Variants in PLEKHF2 observed in about 807,000 individuals in gnomAD.
The protein encoded by PLEKHF2 is pleckstrin homology and FYVE domain containing 2.
A neutral mutation model predicts 14.7 loss-of-function variants in PLEKHF2; 4 were observed. That is an observed-to-expected ratio of 0.27 (90% CI 0.13 to 0.62). The LOEUF (loss-of-function observed/expected upper bound fraction) is 0.62, where lower values mean the gene tolerates loss of function less well. PLEKHF2 is among the 20% of genes least tolerant of loss of function. PLEKHF2 has a pLI of 0.85. For synonymous variants in PLEKHF2, 90 were observed against 103.5 expected (o/e 0.87, Z 0.79); for missense variants, 201 against 307.7 (o/e 0.65, Z 2.60).
At chr8:95,134,312 G>GGGGGGACGGGGGCCGCC (rs1249829230) in intron 1 of PLEKHF2, 2 of 148,146 alleles carry the variant, frequency 1.4e-5, no homozygotes, top group African/African-American at 5.2e-5. Flanking sequence ...CCGCCGCCGC[G>GGGGGGACGGGGGCCGCC]GGGGGACGGG....
intron 1 of PLEKHF2, chr8:95,134,247 T>TGCC (rs1040253421): frequency 1.4e-5 from 2 of 147,988 alleles, no homozygotes; most frequent in African/African-American, 4.9e-5. Context: ...GCGGGCCAGT[T>TGCC]GCCGCCGCCG....
chr8:95,137,961 G>A (rs181674816), intron 1 of PLEKHF2, among the ~76,000 whole-genome samples: 19 of 152,192 alleles, frequency 1.2e-4, no homozygotes, highest in Admixed American at 4.6e-4. Context: ...GTCCCTCCTA[G>A]GCCATTAGTT....
intron 1 of PLEKHF2, among the ~76,000 whole-genome samples, chr8:95,146,707 T>C (rs954338472): frequency 6.6e-6 from 1 of 151,994 alleles, no homozygotes; most frequent in Non-Finnish European, 1.5e-5. Context: ...TTTTTAAAAA[T>C]TGGTATATAA....
intron 1 of PLEKHF2, among the ~76,000 whole-genome samples, chr8:95,135,231 T>G (rs2132102989): frequency 6.6e-6 from 1 of 152,324 alleles, no homozygotes; most frequent in South Asian, 2.1e-4. Context: ...GATTTTTAAA[T>G]AAAGACATCT....
intron 1 of PLEKHF2, among the ~76,000 whole-genome samples, chr8:95,135,556 A>G (rs1810366400): frequency 6.6e-6 from 1 of 152,096 alleles, no homozygotes; most frequent in Admixed American, 6.5e-5. Flanking sequence ...GCGCATCACC[A>G]CACCTGGCTA....
At position 95,156,012 on chromosome 8, in the gene PLEKHF2, T is replaced by C. The variant is rs1210938725; in HGVS notation, c.*1218T>C. 1.2e-5 allele frequency: 2 copies of C among 167,064 alleles called. No individual in the cohort carries two copies. The highest frequency in any genetic ancestry group is 6.3e-3 in the Middle Eastern group (2 of 318). 10.3% of individuals were successfully genotyped at this position (167,064 alleles called of 1,614,324 possible). ...GCAATCTATGGAAATAGAGTAGCAA[T>C]TGCTATTTCTAAATTGTGAACTTTA... On this transcript the variant is annotated 3_prime_UTR_variant, in exon 2 of 2. Coordinates refer to ENST00000315367, the MANE Select transcript of PLEKHF2 (RefSeq NM_024613.4).
intron 1 of PLEKHF2, among the ~76,000 whole-genome samples, chr8:95,143,737 C>G (rs1810461891): frequency 6.6e-6 from 1 of 152,168 alleles, no homozygotes; most frequent in African/African-American, 2.4e-5. Context: ...AGAGGTAAAA[C>G]TGGAAAGATA....
rs1488305309 is a variant in PLEKHF2, at chr8:95,154,978, A to C, written c.*184A>C. 1.5e-6 allele frequency: 1 copy of C among 648,922 alleles called. No homozygotes were observed. Among genetic ancestry groups the C allele is most frequent in the East Asian group, 2.8e-5 (1 of 36,202 alleles). 40.2% of individuals were successfully genotyped at this position (648,922 alleles called of 1,614,324 possible). On this transcript the variant is annotated 3_prime_UTR_variant, in exon 2 of 2. Coordinates refer to ENST00000315367, the MANE Select transcript of PLEKHF2 (RefSeq NM_024613.4). The surrounding 1 kb of genome is among the most constrained non-coding windows in gnomAD (Gnocchi z 5.6). ...CCCCCTGCCTTCTCCCACTCCTCAC[A>C]CTCTTCTACAGGGATAGGCTTTTGC...
intron 1 of PLEKHF2, among the ~76,000 whole-genome samples, chr8:95,152,366 T>TACACATCTAATTA (rs1810572744): frequency 6.6e-6 from 1 of 152,158 alleles, no homozygotes; most frequent in South Asian, 2.1e-4. Flanking sequence ...ATTAGATTGG[T>TACACATCTAATTA]GAATACACAT....
At chr8:95,148,999 A>G (rs1174595604) in intron 1 of PLEKHF2, among the ~76,000 whole-genome samples, 1 of 152,154 alleles carries the variant, frequency 6.6e-6, no homozygotes, top group African/African-American at 2.4e-5. Flanking sequence ...CCATAAAACT[A>G]TAGATTAATA....
intron 1 of PLEKHF2, among the ~76,000 whole-genome samples, chr8:95,141,723 G>A (rs773019932): frequency 1.4e-5 from 2 of 142,288 alleles, no homozygotes; most frequent in African/African-American, 2.7e-5. Flanking sequence ...TTTTTTTTTG[G>A]TAGAGACGGG....
chr8:95,154,802 T>C lies in PLEKHF2; in HGVS notation c.*8T>C, dbSNP rs1222297350. On this transcript the variant is annotated 3_prime_UTR_variant, in exon 2 of 2. Coordinates refer to ENST00000315367, the MANE Select transcript of PLEKHF2 (RefSeq NM_024613.4). This position sits in a 1 kb window ranked among gnomAD's most constrained non-coding sequence, Gnocchi z 5.6. ...GATGATAGCAGTGACTAAGGACACATTTGGGAGTATTTAATCAGGTGTGGC... is the reference window on the plus strand; with the variant it reads ...GATGATAGCAGTGACTAAGGACACACTTGGGAGTATTTAATCAGGTGTGGC... 6.2e-7 allele frequency: 1 copy of C among 1,610,854 alleles called. No homozygotes were observed. The highest frequency in any genetic ancestry group is 1.7e-5 in the Admixed American group (1 of 59,942).
intron 1 of PLEKHF2, among the ~76,000 whole-genome samples, chr8:95,144,104 CA>C (rs1181229869): frequency 6.6e-6 from 1 of 151,914 alleles, no homozygotes; most frequent in Admixed American, 6.6e-5. Flanking sequence ...TGGCCTGAGA[CA>C]GTTCTTCCAA....
chr8:95,144,961 A>AT (rs1271431482), intron 1 of PLEKHF2, among the ~76,000 whole-genome samples: 16 of 151,972 alleles, frequency 1.1e-4, no homozygotes, highest in Non-Finnish European at 2.1e-4. Context: ...TTTTTGTAAA[A>AT]TTAAAGTAAT....
Position 95,154,438 on chromosome 8 carries a change from G to T in PLEKHF2, c.394G>T (p.Asp132Tyr). 1.2e-6 allele frequency: 2 copies of T among 1,614,044 alleles called. No individual in the cohort carries two copies. Among genetic ancestry groups the T allele is most frequent in the Non-Finnish European group, 1.7e-6 (2 of 1,179,922 alleles). ...WMNHINKCVT[D>Y]LLSKSGKTPS... Reference sequence around the variant, plus strand: ...GAATCATATAAATAAATGTGTTACTGATTTACTCTCCAAAAGTGGGAAGAC... The same window carrying T: ...GAATCATATAAATAAATGTGTTACTTATTTACTCTCCAAAAGTGGGAAGAC... The change falls in exon 2 of 2, where the codon GAT (aspartate) becomes TAT (tyrosine). Residue 132 changes from aspartate (D) to tyrosine (Y), a missense_variant. Transcript: ENST00000315367. The surrounding 1 kb of genome is among the most constrained non-coding windows in gnomAD (Gnocchi z 5.6).
At chr8:95,147,426 T>C (rs1385567127) in intron 1 of PLEKHF2, among the ~76,000 whole-genome samples, 3 of 152,050 alleles carry the variant, frequency 2.0e-5, no homozygotes, top group Non-Finnish European at 2.9e-5. Context: ...GTTGATTTCA[T>C]ATTTTATAAC....
At chr8:95,138,711 C>T (rs904045993) in intron 1 of PLEKHF2, among the ~76,000 whole-genome samples, 1 of 152,000 alleles carries the variant, frequency 6.6e-6, no homozygotes, top group African/African-American at 2.4e-5. Context: ...TATTTAGAAA[C>T]TTTTATTTAA....
At chr8:95,148,329 G>A (rs145202174) in intron 1 of PLEKHF2, among the ~76,000 whole-genome samples, 325 of 152,146 alleles carry the variant, frequency 2.1e-3, no homozygotes, top group African/African-American at 7.0e-3. Context: ...TGATATGCCA[G>A]AGACTAAATC....
In PLEKHF2 at chr8:95,139,335, C is replaced by T. The variant is rs6998697; in HGVS notation, c.-15+5305C>T. 2.1e-3 allele frequency among the ~76,000 whole-genome samples: 326 copies of T among 152,220 alleles called. 1 individual carries two copies. Among genetic ancestry groups the T allele is most frequent in the African/African-American group, 7.6e-3 (314 of 41,530 alleles). ...ACCAGCCTGGGCAACATGGCAAAAC[C>T]CCGTCTCTACAAAATACACAAAAAT... On this transcript the variant is annotated intron_variant, in intron 1 of 1. Transcript: ENST00000315367.
Sources: gnomAD v4.1 joint callset for allele counts (sites outside exome capture counted in the v4.1 genomes callset) on GRCh38, gnomAD v4.1.1 for gene constraint, Gnocchi (gnomAD v3.1) non-coding constraint, MANE v1.5 for transcripts, NCBI Gene and HGNC (gene_info 2026-07-23, HGNC 2026-07-21) for gene names.